The following ACACA variants were observed in gnomAD, a reference collection of about 807,000 sequenced individuals.
ACACA encodes acetyl-CoA carboxylase 1.
A neutral mutation model predicts 296.1 loss-of-function variants in ACACA; 103 were observed. That is an observed-to-expected ratio of 0.35 (90% confidence interval 0.30 to 0.41). The LOEUF (loss-of-function observed/expected upper bound fraction) is 0.41. Ranked by LOEUF, ACACA falls within the 10% of genes least tolerant of loss-of-function variation. The pLI is 1.00. For missense variants in ACACA, 1,554 were observed against 2,989.7 expected (o/e 0.52, Z 11.20); for synonymous variants, 953 against 1,038.6 (o/e 0.92, Z 1.58).
chr17:37,371,436 C>A (rs759855075), intron 1 of ACACA, among the ~76,000 whole-genome samples: 2 of 151,902 alleles, frequency 1.3e-5, no homozygotes, highest in Non-Finnish European at 2.9e-5. Flanking sequence ...GGAAAGAGAC[C>A]GGAGGACCAG....
At chr17:37,087,732 G>GCCCAGCA (rs2072309726) in intron 55 of ACACA, among the ~76,000 whole-genome samples, 1 of 152,190 alleles carries the variant, frequency 6.6e-6, no homozygotes, top group Non-Finnish European at 1.5e-5. Context: ...ATCAAAAGCA[G>GCCCAGCA]CCCAGCAATG....
intron 49 of ACACA, among the ~76,000 whole-genome samples, chr17:37,121,857 T>C (rs1485626324): frequency 6.6e-6 from 1 of 152,220 alleles, no homozygotes; most frequent in Non-Finnish European, 1.5e-5. Flanking sequence ...GTGCTTAGTA[T>C]AGCATTTTCC....
chr17:37,198,899 T>C (rs574671734), intron 35 of ACACA, among the ~76,000 whole-genome samples: 7 of 152,348 alleles, frequency 4.6e-5, no homozygotes, highest in African/African-American at 1.7e-4. Context: ...ATCTTCATTG[T>C]TGCAAACAAG....
chr17:37,291,299 C>T (rs1015782060), intron 3 of ACACA, among the ~76,000 whole-genome samples: 9 of 151,886 alleles, frequency 5.9e-5, no homozygotes, highest in South Asian at 2.1e-4. Flanking sequence ...CCTCAGCCTT[C>T]CCGAGTAGCT....
At chr17:37,243,350 A>G (rs756948933) in intron 22 of ACACA, 21 bp downstream of exon 22, 3 of 1,610,572 alleles carry the variant, frequency 1.9e-6, no homozygotes, top group Non-Finnish European at 2.5e-6. Flanking sequence ...AGAAAAAAAT[A>G]TAGTGTTATC....
chr17:37,287,118 C>T (rs772597566), intron 3 of ACACA, among the ~76,000 whole-genome samples: 3 of 152,108 alleles, frequency 2.0e-5, no homozygotes, highest in Non-Finnish European at 4.4e-5. Context: ...ACATAAGCTC[C>T]TTTGTACACC....
chr17:37,212,810 A>G (rs2078809554), intron 29 of ACACA, among the ~76,000 whole-genome samples: 1 of 151,700 alleles, frequency 6.6e-6, no homozygotes, highest in Non-Finnish European at 1.5e-5. Context: ...TTTTCATCCT[A>G]TACAAGGGCT....
In ACACA at chr17:37,207,643, C is replaced by T. The variant is rs1165375717; in HGVS notation, c.3851+14G>A. The T allele has an allele frequency of 6.2e-7, 1 of 1,613,594 alleles. No individual in the cohort carries two copies. The highest frequency in any genetic ancestry group is 8.5e-7 in the Non-Finnish European group (1 of 1,179,678). On this transcript the variant is annotated intron_variant, in intron 31 of 55. Transcript: ENST00000616317. The stretch of plus-strand genomic sequence containing the variant: ...TGGCTCCCCTTGTACAGACATAGTT[C>T]CACAATGTCTTACCTGACAAAATCT...
intron 9 of ACACA, among the ~76,000 whole-genome samples, chr17:37,273,560 C>T (rs1251226598): frequency 1.3e-5 from 2 of 152,208 alleles, no homozygotes; most frequent in African/African-American, 4.8e-5. Flanking sequence ...TGGGATCAGC[C>T]CACTGCACAG....
chr17:37,130,270 T>C (rs987888985), intron 45 of ACACA, 52 bp from the exon 46 acceptor site: 3 of 1,607,932 alleles, frequency 1.9e-6, no homozygotes, highest in African/African-American at 2.7e-5. Flanking sequence ...AATAAAGGCA[T>C]GGTCGATTTC....
At chr17:37,130,303 C>A (rs191604522) in intron 45 of ACACA, 85 bp from the exon 46 acceptor site, 121 of 1,509,920 alleles carry the variant, frequency 8.0e-5, no homozygotes, top group Non-Finnish European at 9.9e-5. Context: ...AAAATGGGTT[C>A]TTTTCTCCAC....
intron 3 of ACACA, among the ~76,000 whole-genome samples, chr17:37,299,039 A>G (rs2083487664): frequency 1.3e-5 from 2 of 152,230 alleles, no homozygotes; most frequent in African/African-American, 4.8e-5. Flanking sequence ...CTTGTTTTCA[A>G]CGTAGCTAAA....
At chr17:37,331,264 C>A (rs1346161692) in intron 2 of ACACA, among the ~76,000 whole-genome samples, 1 of 150,536 alleles carries the variant, frequency 6.6e-6, no homozygotes, top group Non-Finnish European at 1.5e-5. Flanking sequence ...ACTACAGGCA[C>A]CCGCCACAAC....
chr17:37,088,141 CATCA>C (rs1293532505), intron 55 of ACACA, among the ~76,000 whole-genome samples: 2 of 152,054 alleles, frequency 1.3e-5, no homozygotes, highest in Non-Finnish European at 2.9e-5. Context: ...CATGGGGAGA[CATCA>C]GACAAACTCA....
At chr17:37,175,588 A>T (rs1375186220) in intron 41 of ACACA, among the ~76,000 whole-genome samples, 1 of 152,216 alleles carries the variant, frequency 6.6e-6, no homozygotes, top group Non-Finnish European at 1.5e-5. Context: ...GTACCAACAC[A>T]GCAGCTAGAA....
intron 33 of ACACA, among the ~76,000 whole-genome samples, chr17:37,202,565 CT>C (rs1280081137): frequency 6.7e-6 from 1 of 150,094 alleles, no homozygotes; most frequent in African/African-American, 2.4e-5. Context: ...AAAAAAAAAA[CT>C]TTTTCTAAAC....
At chr17:37,182,408 G>A (rs2077360739) in intron 39 of ACACA, among the ~76,000 whole-genome samples, 1 of 151,916 alleles carries the variant, frequency 6.6e-6, no homozygotes, top group African/African-American at 2.4e-5. Context: ...TACAACTAGT[G>A]AATAGCTCCT....
intron 34 of ACACA, 80 bp downstream of exon 34, chr17:37,200,347 A>G (rs1182936543): frequency 1.4e-6 from 2 of 1,451,528 alleles, no homozygotes; most frequent in East Asian, 2.3e-5. Flanking sequence ...ATTAGTAAGT[A>G]TAAGATTACA....
Position 37,385,406 on chromosome 17 carries a change from GA to G in ACACA, c.38+20855del, listed in dbSNP as rs1462734487. On this transcript the variant is annotated intron_variant, in intron 1 of 55. Transcript: ENST00000616317. ...GAGAATCATTTTAACCTGGGAGGCA[GA>G]GGTTGCAGTGAGCTGAGATCACACC... 2.0e-5 allele frequency among the ~76,000 whole-genome samples: 3 copies of G among 152,108 alleles called. No homozygotes were observed. The South Asian group carries it at 6.2e-4, about 32-fold the overall frequency.
Sources: allele counts gnomAD v4.1 joint callset (sites outside exome capture counted in the v4.1 genomes callset), GRCh38; gene constraint gnomAD v4.1.1; transcripts MANE v1.5; gene names NCBI Gene and HGNC (gene_info 2026-07-23, HGNC 2026-07-21).